CEP83: variants seen among roughly 807,000 people sequenced by gnomAD.
CEP83 encodes the protein centrosomal protein 83.
A neutral mutation model predicts 101.9 loss-of-function variants in CEP83; 70 were observed. The ratio of observed to expected loss-of-function variants is 0.69; its 90% CI spans 0.57 to 0.84. The LOEUF (loss-of-function observed/expected upper bound fraction) is 0.84. Ranked by LOEUF, CEP83 falls within the 40% of genes least tolerant of loss-of-function variation. The pLI is 0.00. For missense variants in CEP83, 715 were observed against 787.2 expected (o/e 0.91, Z 1.10); for synonymous variants, 264 against 267.9 (o/e 0.99, Z 0.14).
chr12:94,394,155 G>A (rs1299869618), intron 6 of CEP83, among the ~76,000 whole-genome samples: 1 of 152,140 alleles, frequency 6.6e-6, no homozygotes, highest in Non-Finnish European at 1.5e-5. Context: ...AAAAGAGCCT[G>A]CATTGCCAAG....
intron 14 of CEP83, among the ~76,000 whole-genome samples, chr12:94,321,582 G>A (rs1473724933): frequency 6.6e-6 from 1 of 152,182 alleles, no homozygotes. Context: ...CAGGTTGGGT[G>A]ACCCTGCCCA....
intron 11 of CEP83, among the ~76,000 whole-genome samples, chr12:94,343,245 G>A (rs1191454937): frequency 6.6e-6 from 1 of 151,866 alleles, no homozygotes; most frequent in East Asian, 1.9e-4. Context: ...CATGTGACAT[G>A]TCCAGAATGC....
At chr12:94,440,925 T>G (rs981765508) in intron 1 of CEP83, among the ~76,000 whole-genome samples, 1 of 152,056 alleles carries the variant, frequency 6.6e-6, no homozygotes, top group Non-Finnish European at 1.5e-5. Flanking sequence ...AAACATAAAG[T>G]AGAGAAACGA....
At chr12:94,313,248 A>G in intron 14 of CEP83, 1 of 279,452 alleles carries the variant, frequency 3.6e-6, no homozygotes. Flanking sequence ...CAAACAAAAA[A>G]ACTGTTATCA....
intron 14 of CEP83, among the ~76,000 whole-genome samples, chr12:94,319,505 T>A (rs1234514558): frequency 6.6e-6 from 1 of 152,208 alleles, no homozygotes; most frequent in East Asian, 1.9e-4. Flanking sequence ...GATGTGGGCA[T>A]TTGGTGCTAT....
intron 11 of CEP83, among the ~76,000 whole-genome samples, chr12:94,363,528 T>C (rs1300496842): frequency 6.6e-6 from 1 of 152,218 alleles, no homozygotes; most frequent in Non-Finnish European, 1.5e-5. Flanking sequence ...CGTAAGGAGA[T>C]GTTTGTACAC....
At chr12:94,416,218 T>TAA (rs1375084677) in intron 2 of CEP83, among the ~76,000 whole-genome samples, 1 of 152,144 alleles carries the variant, frequency 6.6e-6, no homozygotes. Context: ...ATGGAACAGA[T>TAA]ATACATTTTC....
chr12:94,289,771 G>T, the CEP83 span, among the ~76,000 whole-genome samples: 6,363 of 152,172 alleles, frequency 0.042, 425 homozygotes, highest in African/African-American at 0.14. Flanking sequence ...CTTTATAATC[G>T]TGTTAAAGTG....
intron 11 of CEP83, among the ~76,000 whole-genome samples, chr12:94,359,517 T>C (rs1284400023): frequency 2.0e-5 from 3 of 151,932 alleles, no homozygotes; most frequent in Admixed American, 6.6e-5. Context: ...GGACAACAAA[T>C]AGGAAAACCT....
chr12:94,428,331 C>T (rs189949140), intron 2 of CEP83, among the ~76,000 whole-genome samples: 3 of 152,296 alleles, frequency 2.0e-5, no homozygotes. Flanking sequence ...GCACTTAGCA[C>T]CTCTGTGTGA....
chr12:94,393,767 T>A (rs2062712302), intron 6 of CEP83, among the ~76,000 whole-genome samples: 1 of 152,210 alleles, frequency 6.6e-6, no homozygotes, highest in Non-Finnish European at 1.5e-5. Flanking sequence ...ATAAGCAACT[T>A]CAGCAAAGTC....
At chr12:94,417,270 T>C (rs1342172338) in intron 2 of CEP83, among the ~76,000 whole-genome samples, 1 of 151,788 alleles carries the variant, frequency 6.6e-6, no homozygotes, top group Non-Finnish European at 1.5e-5. Context: ...GAGCTATGAT[T>C]ATGCCACCAC....
upstream of CEP83, chr12:94,459,988 C>T (rs2068032760): frequency 6.5e-6 from 1 of 152,854 alleles, no homozygotes; most frequent in Middle Eastern, 3.4e-3. Context: ...AAGTCCCACC[C>T]CCCACGCCGA....
intron 5 of CEP83, chr12:94,402,848 G>A (rs1369158939): frequency 5.6e-5 from 9 of 160,860 alleles, no homozygotes; most frequent in East Asian, 1.7e-4. Flanking sequence ...GAAGTGAGCC[G>A]AGATCACGCC....
chr12:94,284,541 A>C, the CEP83 span, among the ~76,000 whole-genome samples: 2 of 152,252 alleles, frequency 1.3e-5, no homozygotes, highest in East Asian at 3.9e-4. Context: ...TCACTGTTAT[A>C]GTTTTGCAAT....
chr12:94,335,654 G>A lies in CEP83; in HGVS notation c.1354C>T (p.Gln452Ter). The A allele has an allele frequency of 6.3e-7, 1 of 1,580,878 alleles. No homozygotes were observed. The highest frequency in any genetic ancestry group is 1.4e-5 in the African/African-American group (1 of 73,286). The stretch of plus-strand genomic sequence containing the variant: ...TTTTCAATAGTCACAATTTGTTGCT[G>A]AAGTTTTAACCTAAAAATCACAACC... ...KELQSVRLKL[Q>*]QQIVTIENAE... The change falls in exon 12 of 17, where the codon CAG becomes TAG. Residue 452 changes from glutamine (Q) to a stop codon, truncating the protein, a stop_gained. Transcript: ENST00000397809. LOFTEE classifies it high-confidence loss of function.
At chr12:94,438,863 C>T (rs1305692608) in intron 1 of CEP83, among the ~76,000 whole-genome samples, 1 of 152,062 alleles carries the variant, frequency 6.6e-6, no homozygotes, top group Non-Finnish European at 1.5e-5. Flanking sequence ...AAATTAACTC[C>T]AAAGGAAGCT....
downstream of CEP83, chr12:94,306,392 A>G (rs1331171549): frequency 6.6e-6 from 1 of 152,194 alleles, no homozygotes; most frequent in Non-Finnish European, 1.5e-5. Flanking sequence ...AGGAGAAAGA[A>G]TTTAAAATAC....
the CEP83 span, among the ~76,000 whole-genome samples, chr12:94,297,914 C>T: frequency 2.0e-5 from 3 of 152,062 alleles, no homozygotes; most frequent in Non-Finnish European, 2.9e-5. Context: ...AATACCAAAC[C>T]GAGAGCAAAT....
Sources: allele counts gnomAD v4.1 joint callset (sites outside exome capture counted in the v4.1 genomes callset), GRCh38; gene constraint gnomAD v4.1.1; transcripts MANE v1.5; gene names NCBI Gene and HGNC (gene_info 2026-07-23, HGNC 2026-07-21).